Variants in NFIC observed in about 807,000 individuals in gnomAD.
The protein encoded by NFIC is nuclear factor 1 C-type.
Under a neutral mutation model 54.4 loss-of-function variants are expected in NFIC, and 12 were observed. The observed-to-expected ratio is 0.22, with a 90% confidence interval of 0.14 to 0.36. The LOEUF is 0.36. NFIC is among the 10% of genes least tolerant of loss of function. NFIC has a pLI of 1.00. For synonymous variants in NFIC, 322 were observed against 319.2 expected, an observed-to-expected ratio of 1.01 and a Z score of -0.09; for missense variants, 575 against 718.2, an observed-to-expected ratio of 0.80 and a Z score of 2.28.
upstream of NFIC, among the ~76,000 whole-genome samples, chr19:3,363,257 ATATATATATATATTTT>A (rs2080837028): frequency 6.4e-5 from 1 of 15,604 alleles, no homozygotes; most frequent in South Asian, 1.3e-3. Context: ...ATATATATAT[ATATATATATATATTTT>A]TTTTTTTTTT....
At chr19:3,380,151 A>C (rs562244474) in intron 1 of NFIC, among the ~76,000 whole-genome samples, 144 of 144,036 alleles carry the variant, frequency 1.0e-3, no homozygotes, top group African/African-American at 3.0e-3. Flanking sequence ...CAGGCGCCCG[A>C]CACCACGCCC....
intron 1 of NFIC, among the ~76,000 whole-genome samples, chr19:3,374,972 C>T (rs562750784): frequency 4.6e-5 from 7 of 152,212 alleles, no homozygotes; most frequent in African/African-American, 1.2e-4. Flanking sequence ...CACCCCTGCC[C>T]GCCTCCCTGG....
chr19:3,404,871 GAGTGAC>G (rs1403410350), intron 2 of NFIC, among the ~76,000 whole-genome samples: 1 of 152,168 alleles, frequency 6.6e-6, no homozygotes. Context: ...CACCCACAAA[GAGTGAC>G]ACCGGGGTCC....
At chr19:3,363,276 T>A (rs1272489479), upstream of NFIC, among the ~76,000 whole-genome samples, 443 of 93,626 alleles carry the variant, frequency 4.7e-3, 1 homozygote, top group East Asian at 0.015. Flanking sequence ...TATATTTTTT[T>A]TTTTTTTTTT....
intron 2 of NFIC, among the ~76,000 whole-genome samples, chr19:3,412,127 G>A (rs1341235549): frequency 1.3e-5 from 2 of 152,218 alleles, no homozygotes; most frequent in African/African-American, 4.8e-5. Context: ...CTGTCACCCA[G>A]GCTGGAATGC....
At chr19:3,448,565 C>T (rs904524659) in intron 6 of NFIC, among the ~76,000 whole-genome samples, 4 of 152,170 alleles carry the variant, frequency 2.6e-5, no homozygotes, top group Non-Finnish European at 4.4e-5. Context: ...TCCTTCCTCC[C>T]GCGTGGACGA....
intron 2 of NFIC, among the ~76,000 whole-genome samples, chr19:3,418,474 C>T (rs569294602): frequency 2.0e-5 from 3 of 152,084 alleles, no homozygotes; most frequent in Non-Finnish European, 2.9e-5. Context: ...GGCTGTAGAA[C>T]GTGAGGAGTT....
At chr19:3,429,328 C>T (rs1486008594) in intron 3 of NFIC, among the ~76,000 whole-genome samples, 4 of 148,464 alleles carry the variant, frequency 2.7e-5, no homozygotes, top group Non-Finnish European at 5.9e-5. Context: ...CCTGTAATCC[C>T]AGCTACTTGG....
chr19:3,371,884 CTT>C (rs2081017522), intron 1 of NFIC, among the ~76,000 whole-genome samples: 1 of 47,752 alleles, frequency 2.1e-5, no homozygotes, highest in African/African-American at 6.9e-5. Context: ...TTTCTCTCTC[CTT>C]CCTTCCTTCC....
In NFIC at chr19:3,459,529, T is replaced by G. The variant is rs1482701448; in HGVS notation, c.1509+2894T>G. Among the ~76,000 whole-genome samples, 1 of 152,104 alleles carries G rather than the reference T, an allele frequency of 6.6e-6. No homozygotes were observed. The highest frequency in any genetic ancestry group is 1.5e-5 in the Non-Finnish European group (1 of 68,014). ...GGCGGCTGCAGCCAGGCCAGCAGGA[T>G]ACCAGAGCCCAAACCTCCCCCTTCA... On this transcript the variant is annotated intron_variant, in intron 10 of 10. Coordinates refer to ENST00000443272, the MANE Select transcript of NFIC (RefSeq NM_001245002.2). This position sits in a 1 kb window ranked among gnomAD's most constrained non-coding sequence, Gnocchi z 4.2.
At position 3,464,190 on chromosome 19, in the gene NFIC, C is replaced by T; in HGVS notation, c.*1421C>T. Reference sequence around the variant, plus strand: ...TTCATCGCCTACCCCGACGCGGGGCCCAGCTGCGGGACGTGCATCACGGCT... The same window carrying T: ...TTCATCGCCTACCCCGACGCGGGGCTCAGCTGCGGGACGTGCATCACGGCT... On this transcript the variant is annotated 3_prime_UTR_variant, in exon 11 of 11. Transcript: ENST00000443272. The T allele has an allele frequency of 3.0e-6, 3 of 985,400 alleles. No homozygotes were observed. The highest frequency in any genetic ancestry group is 2.4e-6 in the Non-Finnish European group (2 of 829,914). 61.0% of individuals were successfully genotyped at this position (985,400 alleles called of 1,614,324 possible). A position where few individuals can be genotyped will look rare whatever the true frequency, so the allele number is the denominator to read the frequency against.
At chr19:3,445,046 C>T (rs750659277) in intron 6 of NFIC, among the ~76,000 whole-genome samples, 6 of 152,104 alleles carry the variant, frequency 3.9e-5, no homozygotes, top group Non-Finnish European at 7.4e-5. Flanking sequence ...CAGATATGAA[C>T]GTGCATGTAC....
intron 2 of NFIC, among the ~76,000 whole-genome samples, chr19:3,421,150 C>T (rs771731106): frequency 7.9e-5 from 12 of 152,364 alleles, no homozygotes; most frequent in Middle Eastern, 3.4e-3. Context: ...CCTGGCTGCC[C>T]GATTCGCAAG....
chr19:3,463,199 C>A lies in NFIC; in HGVS notation c.*430C>A. On this transcript the variant is annotated 3_prime_UTR_variant, in exon 11 of 11. Transcript: ENST00000443272. ...CGGAGGCCCTGGCTCTGTCCGGAGA[C>A]CAGGTGAGCACAGCCTGGAGCCTGT... 9.7e-7 allele frequency: 1 copy of A among 1,034,256 alleles called. No individual in the cohort carries two copies. Among genetic ancestry groups the A allele is most frequent in the Non-Finnish European group, 1.2e-6 (1 of 861,920 alleles). 64.1% of individuals were successfully genotyped at this position (1,034,256 alleles called of 1,614,324 possible). A position where few individuals can be genotyped will look rare whatever the true frequency, so the allele number is the denominator to read the frequency against.
At chr19:3,373,502 C>T (rs539721378) in intron 1 of NFIC, among the ~76,000 whole-genome samples, 19 of 152,084 alleles carry the variant, frequency 1.2e-4, no homozygotes, top group Non-Finnish European at 2.2e-4. Flanking sequence ...ACGCCAGGTG[C>T]GGTCCTGCCC....
chr19:3,415,619 C>T (rs1232307982), intron 2 of NFIC, among the ~76,000 whole-genome samples: 2 of 152,066 alleles, frequency 1.3e-5, no homozygotes, highest in African/African-American at 4.8e-5. Flanking sequence ...TCCCAGGCTA[C>T]ACCCCTGTAG....
chr19:3,381,494 T>C (rs2081206555), intron 1 of NFIC, among the ~76,000 whole-genome samples: 1 of 152,102 alleles, frequency 6.6e-6, no homozygotes, highest in South Asian at 2.1e-4. Flanking sequence ...CGATGGGTTC[T>C]TGCAGGTCCC....
chr19:3,360,513 C>A (rs964517668), intron 1 of NFIC, among the ~76,000 whole-genome samples: 6 of 151,934 alleles, frequency 3.9e-5, no homozygotes, highest in Admixed American at 3.9e-4. Context: ...CCCTGCGCTC[C>A]GTAACGGGCC....
intron 2 of NFIC, among the ~76,000 whole-genome samples, chr19:3,396,910 C>G (rs953571930): frequency 6.6e-6 from 1 of 152,076 alleles, no homozygotes. Flanking sequence ...GAGCTGAGAT[C>G]GCGCCATTGC....
Sources: allele counts gnomAD v4.1 joint callset (sites outside exome capture counted in the v4.1 genomes callset), GRCh38; gene constraint gnomAD v4.1.1; non-coding constraint Gnocchi (gnomAD v3.1); transcripts MANE v1.5; gene names NCBI Gene and HGNC (gene_info 2026-07-23, HGNC 2026-07-21).